Variants in GMNN observed in about 807,000 individuals in gnomAD.
GMNN encodes geminin.
GMNN carries 14 observed loss-of-function variants against 20.9 expected under a neutral mutation model. The observed-to-expected ratio is 0.67, with a 90% CI of 0.44 to 1.05. GMNN has a LOEUF of 1.05. GMNN is among the 50% of genes least tolerant of loss of function. The probability of loss-of-function intolerance (pLI) is 0.00; values close to 1 mark genes in which losing one functional copy is unlikely to be tolerated. For synonymous variants in GMNN, 81 were observed against 85.8 expected, an observed-to-expected ratio of 0.94 and a Z score of 0.31; for missense variants, 227 against 243.8, an observed-to-expected ratio of 0.93 and a Z score of 0.46.
chr6:24,784,203 A>G (rs370961919), intron 5 of GMNN, 34 bp downstream of exon 5: 899 of 1,071,864 alleles, frequency 8.4e-4, no homozygotes, highest in Non-Finnish European at 1.2e-3. Flanking sequence ...CCATTTTTAA[A>G]AATTCCAGGA....
chr6:24,785,085 T>C (rs1328845550), intron 6 of GMNN, among the ~76,000 whole-genome samples: 1 of 149,924 alleles, frequency 6.7e-6, no homozygotes, highest in Non-Finnish European at 1.5e-5. Context: ...GTAGCTAATA[T>C]GTTTGTAAGA....
chr6:24,783,807 A>G (rs1780279548), intron 4 of GMNN, among the ~76,000 whole-genome samples: 1 of 152,140 alleles, frequency 6.6e-6, no homozygotes, highest in Non-Finnish European at 1.5e-5. Context: ...AGTGTTACAT[A>G]AAAAGACACG....
In GMNN at chr6:24,775,211, G is replaced by T. The variant is rs1392160648; in HGVS notation, c.-59G>T. 6.6e-6 allele frequency: 1 copy of T among 152,376 alleles called. No individual in the cohort carries two copies. Among genetic ancestry groups the T allele is most frequent in the East Asian group, 1.9e-4 (1 of 5,200 alleles). 9.4% of individuals were successfully genotyped at this position (152,376 alleles called of 1,614,324 possible). On this transcript the variant is annotated 5_prime_UTR_variant, in exon 1 of 7. Transcript: ENST00000230056. ...CCCTCCGGCCAACCTCTGAAGCCGC[G>T]TCCTACTTTGACAGCTGCAGGGCCG...
intron 6 of GMNN, among the ~76,000 whole-genome samples, chr6:24,785,306 T>TGCCTTAAAA (rs1780321125): frequency 6.6e-6 from 1 of 152,148 alleles, no homozygotes; most frequent in Non-Finnish European, 1.5e-5. Flanking sequence ...CTGTCTTAAC[T>TGCCTTAAAA]GCCTTAAAAG....
intron 4 of GMNN, among the ~76,000 whole-genome samples, chr6:24,783,814 C>G (rs983221678): frequency 1.3e-5 from 2 of 151,898 alleles, no homozygotes; most frequent in Admixed American, 6.6e-5. Context: ...CATAAAAAGA[C>G]ACGACCTCAC....
At chr6:24,783,258 T>C (rs1001697160) in intron 4 of GMNN, among the ~76,000 whole-genome samples, 5 of 152,180 alleles carry the variant, frequency 3.3e-5, no homozygotes, top group African/African-American at 1.2e-4. Flanking sequence ...TGGATTATAA[T>C]ACATTGAATA....
rs1359292355 is a variant in GMNN at position 24,775,037 on chromosome 6, G to C, written c.-233G>C. 2 of 152,434 alleles carry C rather than the reference G, an allele frequency of 1.3e-5. No homozygotes were observed. The allele number at this position is 152,434 out of a possible 1,614,324, so 9.4% of individuals were successfully genotyped here. On this transcript the variant is annotated 5_prime_UTR_variant, in exon 1 of 7. Coordinates refer to ENST00000230056, the MANE Select transcript of GMNN (RefSeq NM_015895.5). ...CCAGCGACCGTGGGGATCAGCGTAG[G>C]TGAGCTGTGGCCTTTTGCGAGGTGC...
Position 24,785,685 on chromosome 6 carries a change from G to A in GMNN, c.516G>A (p.Gln172=). Residue 172 remains glutamine (Q), a synonymous_variant, in exon 7 of 7, where the codon CAG becomes CAA. Coordinates refer to ENST00000230056, the MANE Select transcript of GMNN (RefSeq NM_015895.5). The part of the protein sequence containing the change: ...PLDNFESLDN[Q]EFDSEEETVE... ...ATAATTTTGAATCACTGGATAATCA[G>A]GAATTTGATTCTGAAGAAGAAACTG... The A allele has an allele frequency of 6.4e-7, 1 of 1,560,366 alleles. No individual in the cohort carries two copies. The highest frequency in any genetic ancestry group is 1.1e-5 in the South Asian group (1 of 87,972).
intron 4 of GMNN, among the ~76,000 whole-genome samples, chr6:24,782,409 T>C (rs1780243910): frequency 6.6e-6 from 1 of 152,216 alleles, no homozygotes; most frequent in Non-Finnish European, 1.5e-5. Flanking sequence ...ATTATTTCTG[T>C]ATGAATTATG....
rs1346055335 is a variant in GMNN at position 24,786,082 on chromosome 6, A to G, written c.*283A>G. ...GTATAACTTAGAATAATGAAATATA[A>G]GGAGTATGTGTAGAAAATTTGTCTG... On this transcript the variant is annotated 3_prime_UTR_variant, in exon 7 of 7. Transcript: ENST00000230056. 4.0e-6 allele frequency: 1 copy of G among 251,226 alleles called. No individual in the cohort carries two copies. The highest frequency in any genetic ancestry group is 7.5e-6 in the Non-Finnish European group (1 of 132,462). The allele number at this position is 251,226 out of a possible 1,614,324, so 15.6% of individuals were successfully genotyped here. A position where few individuals can be genotyped will look rare whatever the true frequency, so the allele number is the denominator to read the frequency against.
intron 3 of GMNN, 22 bp downstream of exon 3, chr6:24,780,762 T>G (rs748730659): frequency 8.7e-7 from 1 of 1,144,780 alleles, no homozygotes; most frequent in South Asian, 1.2e-5. Flanking sequence ...ATGGCTAAAA[T>G]GGGGTACTGG....
In GMNN at chr6:24,777,203, A is replaced by G; in HGVS notation, c.-25-19A>G. ...CTCCACCTTCGGGGGTGCAAACCATATTGTTTTTTAATTACTAGTCTTCTG... is the reference window on the plus strand; with the variant it reads ...CTCCACCTTCGGGGGTGCAAACCATGTTGTTTTTTAATTACTAGTCTTCTG... On this transcript the variant is annotated intron_variant, in intron 1 of 6. Transcript: ENST00000230056. 1.1e-6 allele frequency: 1 copy of G among 901,166 alleles called. No individual in the cohort carries two copies. Among genetic ancestry groups the G allele is most frequent in the Non-Finnish European group, 1.7e-6 (1 of 587,062 alleles). 55.8% of individuals were successfully genotyped at this position (901,166 alleles called of 1,614,324 possible).
chr6:24,782,242 C>T lies in GMNN; in HGVS notation c.274+621C>T, dbSNP rs556574128. On this transcript the variant is annotated intron_variant, in intron 4 of 6. Transcript: ENST00000230056. The stretch of plus-strand genomic sequence containing the variant: ...GAGGTATGAAAGGAATTTGAATATT[C>T]CAGGAGAGTATGGCATAAGGAAACC... 1.9e-4 allele frequency among the ~76,000 whole-genome samples: 29 copies of T among 151,910 alleles called. 1 individual carries two copies. In the South Asian group the frequency reaches 4.8e-3, roughly 25 times the overall value.
intron 6 of GMNN, among the ~76,000 whole-genome samples, 163 bp downstream of exon 6, chr6:24,784,717 G>A (rs1215130585): frequency 6.6e-6 from 1 of 152,076 alleles, no homozygotes; most frequent in Admixed American, 6.5e-5. Context: ...GGTAGAGTGG[G>A]TTTATCCGGT....
Position 24,784,428 on chromosome 6 carries a change from T to C in GMNN, c.358-16T>C. The C allele has an allele frequency of 8.4e-7, 1 of 1,192,394 alleles. No homozygotes were observed. Among genetic ancestry groups the C allele is most frequent in the Non-Finnish European group, 1.3e-6 (1 of 796,954 alleles). The allele number at this position is 1,192,394 out of a possible 1,614,324, so 73.9% of individuals were successfully genotyped here. On this transcript the variant is annotated splice_polypyrimidine_tract_variant and intron_variant, in intron 5 of 6. Coordinates refer to ENST00000230056, the MANE Select transcript of GMNN (RefSeq NM_015895.5). ...AGCAAATCTATGGAATACTGAACTT[T>C]ATTTATGTAATACAGCTTCATAAAG...
In GMNN at chr6:24,781,503, A is replaced by T; in HGVS notation, c.156A>T (p.Lys52Asn). ...TGTCCGCAGGCTTGTCCAAAAGGAAACATCGGAATGACCACTTAACATCTA... is the reference window on the plus strand; with the variant it reads ...TGTCCGCAGGCTTGTCCAAAAGGAATCATCGGAATGACCACTTAACATCTA... ...NELSAGLSKRKHRNDHLTSTT... is the reference protein window; with the variant it reads ...NELSAGLSKRNHRNDHLTSTT... The change falls in exon 4 of 7, where the codon AAA (lysine) becomes AAT (asparagine). Residue 52 changes from lysine (K) to asparagine (N), a missense_variant. Physicochemically the swap from Lys to Asn is moderately conservative, Grantham distance 94. Coordinates refer to ENST00000230056, the MANE Select transcript of GMNN (RefSeq NM_015895.5). 1 of 1,598,308 alleles carries T rather than the reference A, an allele frequency of 6.3e-7. No homozygotes were observed. The highest frequency in any genetic ancestry group is 8.6e-7 in the Non-Finnish European group (1 of 1,167,830).
rs2145752 is a variant in GMNN at position 24,785,354 on chromosome 6, C to G, written c.469-284C>G. Among the ~76,000 whole-genome samples the G allele has an allele frequency of 0.64, 96,960 of 151,934 alleles. 33,819 individuals are homozygous for G. Among genetic ancestry groups the G allele is most frequent in the African/African-American group, 0.91 (37,607 of 41,504 alleles). On this transcript the variant is annotated intron_variant, in intron 6 of 6. Coordinates refer to ENST00000230056, the MANE Select transcript of GMNN (RefSeq NM_015895.5). ...GCTGATTGGAAATGTAGAACACCTACTTGTCCTTGCAGCTGATTGGGGAAG... is the reference window on the plus strand; with the variant it reads ...GCTGATTGGAAATGTAGAACACCTAGTTGTCCTTGCAGCTGATTGGGGAAG...
chr6:24,779,467 A>G (rs2113574538), intron 2 of GMNN, among the ~76,000 whole-genome samples: 1 of 152,198 alleles, frequency 6.6e-6, no homozygotes, highest in East Asian at 1.9e-4. Flanking sequence ...ATTTTCTTTT[A>G]TTTGTCTGGA....
At chr6:24,779,816 C>T (rs1780157611) in intron 2 of GMNN, among the ~76,000 whole-genome samples, 2 of 152,158 alleles carry the variant, frequency 1.3e-5, no homozygotes, top group Non-Finnish European at 2.9e-5. Flanking sequence ...ACAAGGAAGG[C>T]AATATTTTCA....
Sources: gnomAD v4.1 joint callset for allele counts (sites outside exome capture counted in the v4.1 genomes callset) on GRCh38, gnomAD v4.1.1 for gene constraint, MANE v1.5 for transcripts, NCBI Gene and HGNC (gene_info 2026-07-23, HGNC 2026-07-21) for gene names.